CPB1: variants seen among roughly 807,000 people sequenced by gnomAD.
The protein encoded by CPB1 is carboxypeptidase B.
CPB1 carries 53 observed loss-of-function variants against 51.4 expected under a neutral mutation model. That is an observed-to-expected ratio of 1.03 (90% CI 0.83 to 1.30). The LOEUF (loss-of-function observed/expected upper bound fraction) is 1.30, where lower values mean the gene tolerates loss of function less well. Ranked by LOEUF, CPB1 falls within the 50% of genes most tolerant of loss-of-function variation. The pLI is 0.00. For synonymous variants in CPB1, 189 were observed against 186.9 expected (o/e 1.01, Z -0.09); for missense variants, 494 against 516.2 (o/e 0.96, Z 0.42).
intron 9 of CPB1, among the ~76,000 whole-genome samples, chr3:148,852,142 A>G (rs1713451722): frequency 6.6e-6 from 1 of 152,252 alleles, no homozygotes; most frequent in Admixed American, 6.5e-5. Flanking sequence ...GATAGCTGTA[A>G]TGTCATCAAC....
At chr3:148,848,526 G>A (rs1198480324) in intron 9 of CPB1, among the ~76,000 whole-genome samples, 1 of 151,472 alleles carries the variant, frequency 6.6e-6, no homozygotes, top group Non-Finnish European at 1.5e-5. Flanking sequence ...TTTATTTATA[G>A]CAAAAAAATA....
intron 9 of CPB1, among the ~76,000 whole-genome samples, chr3:148,846,801 A>G (rs112526312): frequency 0.28 from 10,164 of 36,952 alleles, 1,297 homozygotes; most frequent in African/African-American, 0.37. Context: ...GCGTGTGTAT[A>G]TATATATATA....
chr3:148,844,461 T>A lies in CPB1; in HGVS notation c.577-17T>A. 6.3e-7 allele frequency: 1 copy of A among 1,586,518 alleles called. No homozygotes were observed. The highest frequency in any genetic ancestry group is 8.6e-7 in the Non-Finnish European group (1 of 1,156,774). On this transcript the variant is annotated splice_polypyrimidine_tract_variant and intron_variant, in intron 6 of 10. Transcript: ENST00000282957. ...TTCCATTTTTCCATGAAATTCCTCTTCATAATTCACATACAGGCTGTTCGT... is the reference window on the plus strand; with the variant it reads ...TTCCATTTTTCCATGAAATTCCTCTACATAATTCACATACAGGCTGTTCGT...
intron 2 of CPB1, among the ~76,000 whole-genome samples, chr3:148,829,772 G>A (rs558430632): frequency 6.6e-5 from 10 of 152,166 alleles, no homozygotes; most frequent in South Asian, 4.2e-4. Flanking sequence ...CCTTCTTTAC[G>A]TTTCACTCAT....
rs142056802 is a variant in CPB1 at position 148,857,512 on chromosome 3, A to T, written c.1037A>T (p.Tyr346Phe). 6 of 1,613,894 alleles carry T rather than the reference A, an allele frequency of 3.7e-6. No homozygotes were observed. The African/African-American group carries it at 8.0e-5, about 22-fold the overall frequency. ...KELASLHGTK[Y>F]TYGPGATTIY... Reference sequence around the variant, plus strand: ...CTTGCCTCACTGCACGGCACCAAGTACACATATGGCCCGGGAGCTACAACA... The same window carrying T: ...CTTGCCTCACTGCACGGCACCAAGTTCACATATGGCCCGGGAGCTACAACA... The change falls in exon 10 of 11, where the codon TAC becomes TTC. Residue 346 changes from tyrosine to phenylalanine, a missense_variant. Physicochemically the swap from Tyr to Phe is conservative, Grantham distance 22 (BLOSUM62 3). Transcript: ENST00000282957.
At chr3:148,842,222 T>TA (rs71617489) in intron 6 of CPB1, among the ~76,000 whole-genome samples, 54,110 of 149,392 alleles carry the variant, frequency 0.36, 9,608 homozygotes, top group East Asian at 0.53. Flanking sequence ...CTCATCTCTT[T>TA]AAAAAAAAAA....
chr3:148,828,314 C>G (rs1576564741), intron 2 of CPB1, among the ~76,000 whole-genome samples: 1 of 152,148 alleles, frequency 6.6e-6, no homozygotes, highest in Non-Finnish European at 1.5e-5. Flanking sequence ...AGTGTGACAA[C>G]TGGATGAGTT....
chr3:148,839,423 A>G (rs1713007604), intron 3 of CPB1, among the ~76,000 whole-genome samples: 1 of 152,234 alleles, frequency 6.6e-6, no homozygotes, highest in South Asian at 2.1e-4. Context: ...AACTGACAAG[A>G]GCCATAGAAA....
chr3:148,857,332 A>AT, intron 9 of CPB1, 125 bp from the exon 10 acceptor site: 1 of 664,986 alleles, frequency 1.5e-6, no homozygotes, highest in Non-Finnish European at 2.6e-6. Flanking sequence ...TGGGTCCTGA[A>AT]TAAGCATATA....
At chr3:148,856,721 G>A (rs1713575721) in intron 9 of CPB1, 1 of 152,344 alleles carries the variant, frequency 6.6e-6, no homozygotes, top group East Asian at 1.9e-4. Context: ...TAGGAGTGGG[G>A]TGCAGGGAAC....
At chr3:148,854,558 G>A (rs545983335) in intron 9 of CPB1, 7 of 152,058 alleles carry the variant, frequency 4.6e-5, no homozygotes, top group African/African-American at 1.7e-4. Context: ...TGGTACCACT[G>A]CCCTCCCCCA....
intron 9 of CPB1, chr3:148,855,355 A>T (rs1713543733): frequency 6.6e-6 from 1 of 152,234 alleles, no homozygotes; most frequent in Non-Finnish European, 1.5e-5. Context: ...TCAAAAAAAA[A>T]ATAGAGCAAC....
intron 10 of CPB1, among the ~76,000 whole-genome samples, chr3:148,859,191 C>T (rs1299021551): frequency 6.6e-6 from 1 of 152,110 alleles, no homozygotes; most frequent in Non-Finnish European, 1.5e-5. Context: ...CAGAGTTGAG[C>T]CCATAGCCTG....
At chr3:148,828,882 A>C (rs1248402057) in intron 2 of CPB1, among the ~76,000 whole-genome samples, 1 of 152,208 alleles carries the variant, frequency 6.6e-6, no homozygotes, top group Non-Finnish European at 1.5e-5. Context: ...GAGTGTCATA[A>C]TCACAGGCTC....
intron 9 of CPB1, chr3:148,854,614 C>T (rs541759154): frequency 3.9e-5 from 6 of 152,356 alleles, no homozygotes; most frequent in African/African-American, 1.4e-4. Flanking sequence ...CTCTGCAAAG[C>T]TCAGCACTCT....
intron 10 of CPB1, 95 bp from the exon 11 acceptor site, chr3:148,859,720 C>G: frequency 8.0e-7 from 1 of 1,257,788 alleles, no homozygotes; most frequent in South Asian, 1.6e-5. Flanking sequence ...ATATTTTGCA[C>G]AGTGAAACAT....
chr3:148,851,146 A>C (rs1018812689), intron 9 of CPB1: 3 of 152,062 alleles, frequency 2.0e-5, no homozygotes, highest in Non-Finnish European at 4.4e-5. Context: ...CAGCCTGGCC[A>C]ACATGGTGAA....
intron 10 of CPB1, among the ~76,000 whole-genome samples, chr3:148,858,433 G>C (rs536254122): frequency 1.3e-5 from 2 of 151,948 alleles, no homozygotes; most frequent in African/African-American, 4.8e-5. Flanking sequence ...TTAGCCAGGC[G>C]TGGTGGCGGG....
intron 2 of CPB1, among the ~76,000 whole-genome samples, chr3:148,831,281 T>C (rs1576565873): frequency 6.6e-6 from 1 of 152,330 alleles, no homozygotes; most frequent in African/African-American, 2.4e-5. Flanking sequence ...TGGAGTAACA[T>C]GGTTACTGTC....
Sources: gnomAD v4.1 joint callset for allele counts (sites outside exome capture counted in the v4.1 genomes callset) on GRCh38, gnomAD v4.1.1 for gene constraint, MANE v1.5 for transcripts, NCBI Gene and HGNC (gene_info 2026-07-23, HGNC 2026-07-21) for gene names.